PDE4D: variants seen among roughly 807,000 people sequenced by gnomAD.
PDE4D encodes the protein phosphodiesterase 4D, also known as 3',5'-cyclic-AMP phosphodiesterase 4D.
In PDE4D, 24 loss-of-function variants were observed where a neutral mutation model predicts 87.4. The observed-to-expected ratio is 0.27, with a 90% CI of 0.20 to 0.39. The LOEUF is 0.39. Among genes scored for constraint, PDE4D ranks in the 10% least tolerant of loss-of-function variants. The pLI, the probability that PDE4D is intolerant of heterozygous loss-of-function variation, is 1.00. For synonymous variants in PDE4D, 384 were observed against 383.2 expected, an observed-to-expected ratio of 1.00 and a Z score of -0.02; for missense variants, 714 against 1,041.0, an observed-to-expected ratio of 0.69 and a Z score of 4.32.
intron 2 of PDE4D, among the ~76,000 whole-genome samples, chr5:59,992,367 T>TTG (rs59319593): frequency 0.018 from 2,725 of 152,288 alleles, 80 homozygotes; most frequent in African/African-American, 0.063. Context: ...AGACCGCCTA[T>TTG]TGTGGGACTT....
At chr5:59,621,272 G>A (rs1412333263) in intron 1 of PDE4D, among the ~76,000 whole-genome samples, 1 of 152,172 alleles carries the variant, frequency 6.6e-6, no homozygotes, top group African/African-American at 2.4e-5. Flanking sequence ...TCCAGAGGTT[G>A]TATATTAGCA....
intron 1 of PDE4D, among the ~76,000 whole-genome samples, chr5:60,355,088 T>C (rs1206209002): frequency 6.6e-6 from 1 of 152,192 alleles, no homozygotes; most frequent in Non-Finnish European, 1.5e-5. Context: ...TGTTACTGTT[T>C]ATATTTGTTT....
intron 1 of PDE4D, among the ~76,000 whole-genome samples, chr5:59,485,013 A>G (rs1020084644): frequency 6.6e-6 from 1 of 152,202 alleles, no homozygotes; most frequent in African/African-American, 2.4e-5. Context: ...TCACTTTTTT[A>G]AAATAATTCC....
chr5:59,761,277 G>A (rs1202862629), intron 1 of PDE4D, among the ~76,000 whole-genome samples: 2 of 150,952 alleles, frequency 1.3e-5, no homozygotes, highest in Non-Finnish European at 2.9e-5. Flanking sequence ...GTGAGTGAGT[G>A]GTGAGTCAAT....
chr5:59,234,285 TTTC>T lies in PDE4D; in HGVS notation c.456-18320_456-18318del, dbSNP rs570756897. On this transcript the variant is annotated intron_variant, in intron 1 of 14. Transcript: ENST00000340635. ...AATTATGTGTATTTTGTCTTTCTTT[TTTC>T]TTTTTTTGTAGAATTTATTCGATAT... Among the ~76,000 whole-genome samples, 210 of 152,268 alleles carry T rather than the reference TTTC, an allele frequency of 1.4e-3. 2 individuals are homozygous for T. Among genetic ancestry groups the T allele is most frequent in the African/African-American group, 4.8e-3 (198 of 41,534 alleles).
rs186629832 is a variant in PDE4D, at chr5:59,380,056, G to C, written c.456-164088C>G. 2.7e-3 allele frequency among the ~76,000 whole-genome samples: 418 copies of C among 152,192 alleles called. 2 individuals carry two copies. The highest frequency in any genetic ancestry group is 3.7e-3 in the Non-Finnish European group (255 of 68,008). The stretch of plus-strand genomic sequence containing the variant: ...TGTGTCCATGTGTTAAAGGGTAGGA[G>C]TAATTTTGAGGCTTCAAGCTTCTGC... On this transcript the variant is annotated intron_variant, in intron 1 of 14. Transcript: ENST00000340635.
At chr5:59,701,908 T>A (rs1168969070) in intron 1 of PDE4D, among the ~76,000 whole-genome samples, 2 of 152,096 alleles carry the variant, frequency 1.3e-5, no homozygotes, top group Non-Finnish European at 1.5e-5. Flanking sequence ...GACACAGAGT[T>A]CTGGAGGCAG....
At chr5:59,263,547 A>C (rs1762375346) in intron 1 of PDE4D, among the ~76,000 whole-genome samples, 2 of 152,014 alleles carry the variant, frequency 1.3e-5, no homozygotes, top group Non-Finnish European at 2.9e-5. Context: ...AAATAGTCAT[A>C]TATACCAAAT....
intron 1 of PDE4D, among the ~76,000 whole-genome samples, chr5:59,301,670 G>C (rs1279792529): frequency 2.6e-5 from 4 of 152,068 alleles, no homozygotes; most frequent in Non-Finnish European, 4.4e-5. Flanking sequence ...GTGGTTTGAA[G>C]GGAAAGTGGG....
chr5:60,281,646 T>A lies in PDE4D; in HGVS notation c.-89-95959A>T, dbSNP rs183139908. On this transcript the variant is annotated intron_variant, in intron 1 of 16. Transcript: ENST00000502484. ...GTTTTAACATGACCAACCCTTTTTT[T>A]AAAAATTAAGCAAAAGAAATGTTAA... Among the ~76,000 whole-genome samples, 97 of 152,276 alleles carry A rather than the reference T, an allele frequency of 6.4e-4. 1 individual carries two copies. In the East Asian group the frequency reaches 0.014, roughly 23 times the overall value.
At chr5:60,047,948 TA>T (rs1454726693) in intron 2 of PDE4D, among the ~76,000 whole-genome samples, 1 of 152,200 alleles carries the variant, frequency 6.6e-6, no homozygotes, top group African/African-American at 2.4e-5. Context: ...TTGCTCTGTC[TA>T]ATGTTGACAG....
intron 2 of PDE4D, among the ~76,000 whole-genome samples, chr5:60,016,996 A>C: frequency 6.6e-6 from 1 of 152,238 alleles, no homozygotes; most frequent in South Asian, 2.1e-4. Context: ...TGTTTCTTAA[A>C]TAGTATGACT....
intron 2 of PDE4D, among the ~76,000 whole-genome samples, chr5:60,165,401 T>C (rs1455170869): frequency 6.6e-6 from 1 of 152,218 alleles, no homozygotes; most frequent in East Asian, 1.9e-4. Flanking sequence ...TCACGCTGCT[T>C]AGGCTAATTT....
chr5:59,794,191 A>G (rs1159424120), intron 1 of PDE4D, among the ~76,000 whole-genome samples: 2 of 150,512 alleles, frequency 1.3e-5, no homozygotes, highest in Admixed American at 6.6e-5. Flanking sequence ...AGACAACTCT[A>G]GCTATCTCTG....
chr5:60,088,498 A>G (rs1211689945), intron 2 of PDE4D, among the ~76,000 whole-genome samples: 2 of 152,036 alleles, frequency 1.3e-5, no homozygotes, highest in Non-Finnish European at 2.9e-5. Flanking sequence ...ATGTAAATTG[A>G]AACAGCAATA....
intron 1 of PDE4D, among the ~76,000 whole-genome samples, chr5:60,470,225 CT>C (rs1258031618): frequency 6.6e-6 from 1 of 152,180 alleles, no homozygotes; most frequent in African/African-American, 2.4e-5. Flanking sequence ...GGCCCTAACT[CT>C]TCAATTCTAC....
intron 4 of PDE4D, among the ~76,000 whole-genome samples, chr5:59,181,619 C>T (rs1450085921): frequency 6.8e-6 from 1 of 146,338 alleles, no homozygotes; most frequent in South Asian, 2.1e-4. Flanking sequence ...AGGGTGAACA[C>T]TTAATAAACA....
At chr5:59,951,015 A>C (rs1435079) in intron 3 of PDE4D, among the ~76,000 whole-genome samples, 7 of 151,902 alleles carry the variant, frequency 4.6e-5, no homozygotes, top group Non-Finnish European at 1.0e-4. Context: ...TCCATACTAC[A>C]TGCTAGGCAT....
At chr5:60,065,224 T>G (rs943821207) in intron 2 of PDE4D, among the ~76,000 whole-genome samples, 1 of 151,928 alleles carries the variant, frequency 6.6e-6, no homozygotes, top group Non-Finnish European at 1.5e-5. Flanking sequence ...TTTAATCAGA[T>G]TCCTTAGTAG....
Sources: allele counts gnomAD v4.1 joint callset (sites outside exome capture counted in the v4.1 genomes callset), GRCh38; gene constraint gnomAD v4.1.1; transcripts MANE v1.5; gene names NCBI Gene and HGNC (gene_info 2026-07-23, HGNC 2026-07-21).